Variants in DCSTAMP observed in about 807,000 individuals in gnomAD.
DCSTAMP encodes the protein dendritic cell-specific transmembrane protein.
DCSTAMP carries 25 observed loss-of-function variants against 33.8 expected under a neutral mutation model. The observed-to-expected ratio is 0.74, with a 90% confidence interval of 0.54 to 1.03. The LOEUF is 1.03. DCSTAMP is among the 50% of genes least tolerant of loss of function. The pLI, the probability that DCSTAMP is intolerant of heterozygous loss-of-function variation, is 0.00. For synonymous variants in DCSTAMP, 245 were observed against 216.7 expected (o/e 1.13, Z -1.15); for missense variants, 531 against 556.8 (o/e 0.95, Z 0.47).
chr8:104,350,233 C>T (rs1326187409), intron 2 of DCSTAMP, among the ~76,000 whole-genome samples: 1 of 152,160 alleles, frequency 6.6e-6, no homozygotes, highest in Non-Finnish European at 1.5e-5. Context: ...TCAACAAACA[C>T]TGAAATGTGG....
chr8:104,349,110 A>T lies in DCSTAMP; in HGVS notation c.558A>T (p.Leu186=), dbSNP rs746299580. 1.9e-6 allele frequency: 3 copies of T among 1,614,160 alleles called. No homozygotes were observed. The South Asian group carries it at 3.3e-5, about 18-fold the overall frequency. Reference sequence around the variant, plus strand: ...CCAGCCATGTCCTGGAGGCACAGCTAAATGACAGCAAAGGGGAAGTCCTGA... The same window carrying T: ...CCAGCCATGTCCTGGAGGCACAGCTTAATGACAGCAAAGGGGAAGTCCTGA... ...FSPSHVLEAQ[L]NDSKGEVLSV... The change falls in exon 2 of 4, where the codon CTA becomes CTT. Residue 186 remains leucine (L), a synonymous_variant. Transcript: ENST00000297581.
intron 1 of DCSTAMP, among the ~76,000 whole-genome samples, chr8:104,342,154 T>C (rs1246865610): frequency 6.6e-6 from 1 of 152,160 alleles, no homozygotes; most frequent in African/African-American, 2.4e-5. Context: ...AAAACCTTTA[T>C]TTGTGAGACT....
rs184219167 is a variant in DCSTAMP at position 104,354,448 on chromosome 8, T to C, written c.1030-429T>C. On this transcript the variant is annotated intron_variant, in intron 2 of 3. Coordinates refer to ENST00000297581, the MANE Select transcript of DCSTAMP (RefSeq NM_030788.4). ...ACTCCCCGCTCTTTCTTTCGCCCCA[T>C]GTGTGCTAACATGTAGAAACAAGTA... Among the ~76,000 whole-genome samples, 305 of 152,294 alleles carry C rather than the reference T, an allele frequency of 2.0e-3. 1 individual carries two copies. Among genetic ancestry groups the C allele is most frequent in the African/African-American group, 6.3e-3 (263 of 41,564 alleles).
At chr8:104,341,405 A>C (rs1277418550) in intron 1 of DCSTAMP, among the ~76,000 whole-genome samples, 2 of 152,186 alleles carry the variant, frequency 1.3e-5, no homozygotes, top group African/African-American at 2.4e-5. Flanking sequence ...TCCTTCACTC[A>C]TCAAAAAGGT....
chr8:104,352,196 A>C (rs763441886), intron 2 of DCSTAMP, among the ~76,000 whole-genome samples: 12 of 151,886 alleles, frequency 7.9e-5, no homozygotes, highest in Non-Finnish European at 1.8e-4. Context: ...CTGCATTCAC[A>C]CTTTTCCTCC....
At position 104,356,234 on chromosome 8, in the gene DCSTAMP, C is replaced by G; in HGVS notation, c.*36C>G. On this transcript the variant is annotated 3_prime_UTR_variant, in exon 4 of 4. Coordinates refer to ENST00000297581, the MANE Select transcript of DCSTAMP (RefSeq NM_030788.4). ...CTACTCCTCAGCCACATCGCACCAA[C>G]AATTCTCTTCAGGTCTAGGATGGCA... The G allele has an allele frequency of 6.3e-7, 1 of 1,588,610 alleles. No individual in the cohort carries two copies. The highest frequency in any genetic ancestry group is 2.3e-5 in the East Asian group (1 of 43,942).
At chr8:104,342,295 G>A (rs1235764575) in intron 1 of DCSTAMP, among the ~76,000 whole-genome samples, 2 of 152,176 alleles carry the variant, frequency 1.3e-5, no homozygotes, top group East Asian at 1.9e-4. Context: ...CCATGTGAAC[G>A]TCATCTGATG....
At chr8:104,348,118 A>G (rs1324984869) in intron 1 of DCSTAMP, among the ~76,000 whole-genome samples, 2 of 152,172 alleles carry the variant, frequency 1.3e-5, no homozygotes, top group Non-Finnish European at 2.9e-5. Flanking sequence ...TTGCAGGCCC[A>G]TTTTAGACTC....
intron 2 of DCSTAMP, among the ~76,000 whole-genome samples, chr8:104,352,081 G>A (rs1810476763): frequency 1.3e-5 from 2 of 152,162 alleles, no homozygotes; most frequent in African/African-American, 4.8e-5. Context: ...GCCAGCTGCT[G>A]GGGAATTCAT....
chr8:104,344,316 TAATTA>T (rs1225346999), intron 1 of DCSTAMP, among the ~76,000 whole-genome samples: 2 of 152,024 alleles, frequency 1.3e-5, no homozygotes, highest in African/African-American at 2.4e-5. Flanking sequence ...TTAAATATCA[TAATTA>T]AATAAAATAA....
chr8:104,342,201 G>A (rs905144450), intron 1 of DCSTAMP, among the ~76,000 whole-genome samples: 2 of 152,176 alleles, frequency 1.3e-5, no homozygotes, highest in Non-Finnish European at 2.9e-5. Flanking sequence ...AATGTCTCCA[G>A]GGATAAAAGG....
rs1029231904 is a variant in DCSTAMP at position 104,348,597 on chromosome 8, G to A, written c.45G>A (p.Trp15Ter). 6.2e-7 allele frequency: 1 copy of A among 1,614,186 alleles called. No homozygotes were observed. Among genetic ancestry groups the A allele is most frequent in the Admixed American group, 1.7e-5 (1 of 60,018 alleles). Residue 15 changes from tryptophan (W) to a stop codon, truncating the protein, a stop_gained, in exon 2 of 4, where the codon TGG (tryptophan) becomes TGA (stop). Coordinates refer to ENST00000297581, the MANE Select transcript of DCSTAMP (RefSeq NM_030788.4). LOFTEE classifies it high-confidence loss of function. ...GCACTGATATCTTCCTAAGTCTTTG[G>A]GAGATTTACGTGTCTCCAAGAAGCC... is the stretch of plus-strand genomic sequence containing the variant. ...TSGTDIFLSL[W>*]EIYVSPRSPG...
intron 1 of DCSTAMP, among the ~76,000 whole-genome samples, chr8:104,340,845 C>G (rs1178812575): frequency 3.3e-5 from 5 of 152,218 alleles, no homozygotes; most frequent in Admixed American, 2.0e-4. Flanking sequence ...TGGGTTCAGA[C>G]TGGGTTCCCG....
intron 3 of DCSTAMP, among the ~76,000 whole-genome samples, chr8:104,355,876 G>A (rs139019600): frequency 5.1e-4 from 77 of 152,238 alleles, no homozygotes; most frequent in Non-Finnish European, 1.3e-4. Flanking sequence ...GCTACTGGAC[G>A]GAGATCATGT....
rs978184887 is a variant in DCSTAMP, at chr8:104,348,616, A to G, written c.64A>G (p.Arg22Gly). 8.7e-6 allele frequency: 14 copies of G among 1,614,114 alleles called. No homozygotes were observed. The African/African-American group carries it at 1.3e-4, about 15-fold the overall frequency. The change falls in exon 2 of 4, where the codon AGA (arginine) becomes GGA (glycine). Residue 22 changes from arginine to glycine, a missense_variant. Transcript: ENST00000297581. ...TCTTTGGGAGATTTACGTGTCTCCA[A>G]GAAGCCCCGGATGGATGGACTTTAT... is the stretch of plus-strand genomic sequence containing the variant. ...LSLWEIYVSPRSPGWMDFIQH... is the reference protein window; with the variant it reads ...LSLWEIYVSPGSPGWMDFIQH...
chr8:104,348,301 G>T (rs186533266), intron 1 of DCSTAMP, among the ~76,000 whole-genome samples: 2 of 152,260 alleles, frequency 1.3e-5, no homozygotes, highest in African/African-American at 4.8e-5. Flanking sequence ...CATTTCTGCC[G>T]CATTCGATTG....
rs773418151 is a variant in DCSTAMP, at chr8:104,354,879, A to G, written c.1032A>G (p.Lys344=). The part of the protein sequence containing the change: ...FEVHLKLHGE[K]QGTQDIIHDS... Reference sequence around the variant, plus strand: ...ATTATTTTATTCTTTCATTTTAGAAACAAGGAACTCAAGATATTATCCATG... The same window carrying G: ...ATTATTTTATTCTTTCATTTTAGAAGCAAGGAACTCAAGATATTATCCATG... The change falls in exon 3 of 4, where the codon AAA becomes AAG. Residue 344 remains lysine, a splice_region_variant and synonymous_variant. Transcript: ENST00000297581. The G allele has an allele frequency of 1.3e-6, 2 of 1,575,812 alleles. No homozygotes were observed. Among genetic ancestry groups the G allele is most frequent in the East Asian group, 2.2e-5 (1 of 44,594 alleles).
intron 2 of DCSTAMP, among the ~76,000 whole-genome samples, chr8:104,353,749 G>A (rs1263056247): frequency 1.1e-4 from 16 of 152,238 alleles, no homozygotes; most frequent in Admixed American, 9.8e-4. Flanking sequence ...CCCAGCGTCC[G>A]CTGGGTGTAG....
intron 1 of DCSTAMP, among the ~76,000 whole-genome samples, chr8:104,343,652 A>G (rs2099383359): frequency 6.6e-6 from 1 of 152,266 alleles, no homozygotes; most frequent in East Asian, 1.9e-4. Flanking sequence ...ATTGTCTAAG[A>G]GAGAGACAAG....
Sources: gnomAD v4.1 joint callset for allele counts (sites outside exome capture counted in the v4.1 genomes callset) on GRCh38, gnomAD v4.1.1 for gene constraint, MANE v1.5 for transcripts, NCBI Gene and HGNC (gene_info 2026-07-23, HGNC 2026-07-21) for gene names.